Variants in ZPLD1 observed in about 807,000 individuals in gnomAD.
ZPLD1 encodes the protein zona pellucida like domain containing 1, also known as zona pellucida-like domain-containing protein 1.
Under a neutral mutation model 47.2 loss-of-function variants are expected in ZPLD1, and 34 were observed. The observed-to-expected ratio is 0.72, with a 90% CI of 0.55 to 0.96. The LOEUF (loss-of-function observed/expected upper bound fraction) is 0.96, where lower values mean the gene tolerates loss of function less well. Among genes scored for constraint, ZPLD1 ranks in the 40% least tolerant of loss-of-function variants. The pLI, the probability that ZPLD1 is intolerant of heterozygous loss-of-function variation, is 0.00. For synonymous variants in ZPLD1, 176 were observed against 186.2 expected (o/e 0.95, Z 0.45); for missense variants, 512 against 505.8 (o/e 1.01, Z -0.12).
At chr3:102,417,477 G>T (rs951644561) in intron 7 of ZPLD1, among the ~76,000 whole-genome samples, 3 of 151,866 alleles carry the variant, frequency 2.0e-5, no homozygotes, top group Non-Finnish European at 4.4e-5. Flanking sequence ...GGCTCCAAAG[G>T]CTGGTGGAGG....
chr3:102,463,887 A>AAAAAC (rs1202944274), intron 7 of ZPLD1, among the ~76,000 whole-genome samples: 1 of 149,932 alleles, frequency 6.7e-6, no homozygotes, highest in Admixed American at 6.6e-5. Flanking sequence ...AAAATACAAA[A>AAAAAC]AAAAAAAAAA....
chr3:102,420,387 A>T (rs1215702322), intron 8 of ZPLD1, among the ~76,000 whole-genome samples: 1 of 151,922 alleles, frequency 6.6e-6, no homozygotes, highest in Non-Finnish European at 1.5e-5. Flanking sequence ...AATTGTTTAT[A>T]GCAGGGTGAG....
At chr3:102,446,346 T>C (rs570408957) in intron 3 of ZPLD1, among the ~76,000 whole-genome samples, 5 of 152,326 alleles carry the variant, frequency 3.3e-5, no homozygotes, top group East Asian at 3.9e-4. Flanking sequence ...GCTTTGAAAT[T>C]ATTTTTCTGT....
intron 7 of ZPLD1, among the ~76,000 whole-genome samples, chr3:102,396,318 C>T (rs1706557081): frequency 6.6e-6 from 1 of 152,128 alleles, no homozygotes; most frequent in Admixed American, 6.6e-5. Flanking sequence ...ATAGAGTAAT[C>T]TTTTTTGAAG....
At chr3:102,444,909 C>A (rs1707234701) in intron 3 of ZPLD1, among the ~76,000 whole-genome samples, 1 of 152,156 alleles carries the variant, frequency 6.6e-6, no homozygotes, top group African/African-American at 2.4e-5. Context: ...AGCCTCCTGC[C>A]TGCTCACTGT....
chr3:102,433,675 C>T (rs545196928), upstream of ZPLD1, among the ~76,000 whole-genome samples: 6 of 152,224 alleles, frequency 3.9e-5, 1 homozygote, highest in African/African-American at 1.4e-4. Flanking sequence ...CTAAGGCACC[C>T]GCCACCACGC....
At chr3:102,462,657 C>T (rs1707527181) in intron 7 of ZPLD1, among the ~76,000 whole-genome samples, 1 of 151,952 alleles carries the variant, frequency 6.6e-6, no homozygotes, top group South Asian at 2.1e-4. Flanking sequence ...AATGTTGTAT[C>T]TCTTCATCAG....
At chr3:102,407,349 T>C (rs1482196285) in intron 7 of ZPLD1, among the ~76,000 whole-genome samples, 1 of 128,336 alleles carries the variant, frequency 7.8e-6, no homozygotes, top group Non-Finnish European at 1.6e-5. Flanking sequence ...GGTAAGTCAT[T>C]TAAAATTTTT....
chr3:102,464,353 G>A, intron 8 of ZPLD1, 102 bp downstream of exon 8: 3 of 777,408 alleles, frequency 3.9e-6, no homozygotes, highest in Non-Finnish European at 4.0e-6. Flanking sequence ...CACTATTATA[G>A]CTTTTGAATT....
At chr3:102,435,193 A>C (rs1707070056) in intron 1 of ZPLD1, 39 bp downstream of exon 1, 1 of 1,610,790 alleles carries the variant, frequency 6.2e-7, no homozygotes, top group South Asian at 1.1e-5. Context: ...ATAATAGTTC[A>C]TCAGTTTGTT....
intron 7 of ZPLD1, among the ~76,000 whole-genome samples, chr3:102,462,615 G>T (rs921284135): frequency 6.6e-6 from 1 of 151,860 alleles, no homozygotes; most frequent in African/African-American, 2.4e-5. Context: ...GGTGGTTCTT[G>T]GAACGGGGCA....
chr3:102,452,950 G>T lies in ZPLD1; in HGVS notation c.138G>T (p.Val46=), dbSNP rs781762974. ...GAGACATCAGTGTCTATTGTGGAGTGCAGGCTATTACGATGAAGATTAATT... is the reference window on the plus strand; with the variant it reads ...GAGACATCAGTGTCTATTGTGGAGTTCAGGCTATTACGATGAAGATTAATT... ...AERDISVYCG[V]QAITMKINFC... is the part of the protein sequence containing the mutation. Residue 46 remains valine, a synonymous_variant, in exon 4 of 12, where the codon GTG becomes GTT. Transcript: ENST00000466937. 5.0e-6 allele frequency: 8 copies of T among 1,614,062 alleles called. No individual in the cohort carries two copies. Among genetic ancestry groups the T allele is most frequent in the African/African-American group, 1.3e-5 (1 of 75,014 alleles).
At chr3:102,455,943 G>T (rs55925410) in intron 4 of ZPLD1, among the ~76,000 whole-genome samples, 1 of 152,020 alleles carries the variant, frequency 6.6e-6, no homozygotes, top group Non-Finnish European at 1.5e-5. Context: ...GTAACCCTTC[G>T]AACCTATAAT....
At chr3:102,455,512 A>G (rs753304725) in intron 4 of ZPLD1, among the ~76,000 whole-genome samples, 12 of 152,220 alleles carry the variant, frequency 7.9e-5, no homozygotes, top group Non-Finnish European at 1.6e-4. Context: ...GACCCTGAGA[A>G]GATTAATCCT....
intron 10 of ZPLD1, among the ~76,000 whole-genome samples, chr3:102,473,975 C>G (rs779095732): frequency 4.6e-5 from 7 of 152,158 alleles, no homozygotes; most frequent in Admixed American, 6.5e-5. Flanking sequence ...TCTATTTGCT[C>G]ATTGAACCAC....
chr3:102,470,765 A>G (rs1042805820), intron 10 of ZPLD1, among the ~76,000 whole-genome samples: 26 of 151,464 alleles, frequency 1.7e-4, no homozygotes, highest in Admixed American at 1.4e-3. Context: ...CGAGTAGGCC[A>G]TGCTGGACCT....
chr3:102,395,612 C>T (rs1331988267), intron 7 of ZPLD1, among the ~76,000 whole-genome samples: 1 of 152,162 alleles, frequency 6.6e-6, no homozygotes, highest in Non-Finnish European at 1.5e-5. Context: ...GGCTTCTGAA[C>T]TCTAGAACTG....
intron 6 of ZPLD1, among the ~76,000 whole-genome samples, chr3:102,458,931 A>G (rs1456989522): frequency 6.6e-6 from 1 of 151,902 alleles, no homozygotes; most frequent in Non-Finnish European, 1.5e-5. Context: ...CTACTAAAAA[A>G]TACAAAAAAT....
intron 6 of ZPLD1, among the ~76,000 whole-genome samples, chr3:102,458,190 AAT>A (rs960653958): frequency 2.0e-5 from 3 of 152,116 alleles, no homozygotes; most frequent in African/African-American, 7.2e-5. Flanking sequence ...AGATTTAGGA[AAT>A]ATATATTTTT....
Sources: gnomAD v4.1 joint callset for allele counts (sites outside exome capture counted in the v4.1 genomes callset) on GRCh38, gnomAD v4.1.1 for gene constraint, MANE v1.5 for transcripts, NCBI Gene and HGNC (gene_info 2026-07-23, HGNC 2026-07-21) for gene names.